The following DDI2 variants were observed in gnomAD, a reference collection of about 807,000 sequenced individuals.
DDI2 encodes DDI proteasomal shuttling factor 2, also known as protein DDI1 homolog 2.
Under a neutral mutation model 48.1 loss-of-function variants are expected in DDI2, and 5 were observed. That is an observed-to-expected ratio of 0.10 (90% CI 0.05 to 0.22). The LOEUF (loss-of-function observed/expected upper bound fraction) is 0.22. Among genes scored for constraint, DDI2 ranks in the 10% least tolerant of loss-of-function variants. The pLI is 1.00. For missense variants in DDI2, 285 were observed against 506.2 expected (o/e 0.56, Z 4.19); for synonymous variants, 205 against 183.6 (o/e 1.12, Z -0.94).
At position 15,661,488 on chromosome 1, in the gene DDI2, A is replaced by C. The variant is rs1640378252; in HGVS notation, c.*1698A>C. The C allele has an allele frequency of 1.2e-6, 2 of 1,613,960 alleles. No homozygotes were observed. Among genetic ancestry groups the C allele is most frequent in the Non-Finnish European group, 1.7e-6 (2 of 1,179,886 alleles). ...TAACAGACAGGCCTGAAACCAGAGAAAATGTCTGTCCTGATGCTTCGAGGC... is the reference window on the plus strand; with the variant it reads ...TAACAGACAGGCCTGAAACCAGAGACAATGTCTGTCCTGATGCTTCGAGGC... On this transcript the variant is annotated 3_prime_UTR_variant, in exon 10 of 10. Transcript: ENST00000480945.
intron 3 of DDI2, among the ~76,000 whole-genome samples, chr1:15,631,876 G>A (rs1639849604): frequency 6.6e-6 from 1 of 151,450 alleles, no homozygotes; most frequent in African/African-American, 2.4e-5. Context: ...CGCGATCTCT[G>A]CTCACTGCAA....
chr1:15,660,205 TCTG>T lies in DDI2; in HGVS notation c.*419_*421del. 6.2e-7 allele frequency: 1 copy of T among 1,614,164 alleles called. No individual in the cohort carries two copies. The highest frequency in any genetic ancestry group is 8.5e-7 in the Non-Finnish European group (1 of 1,180,032). On this transcript the variant is annotated 3_prime_UTR_variant, in exon 10 of 10. Coordinates refer to ENST00000480945, the MANE Select transcript of DDI2 (RefSeq NM_032341.5). ...AACTGTTGCAGGTAATCTGGAGAAATCTGCTGAAAGAAGCACCCAGGGCCTCAA... is the reference window on the plus strand; with the variant it reads ...AACTGTTGCAGGTAATCTGGAGAAATCTGAAAGAAGCACCCAGGGCCTCAA...
At position 15,658,402 on chromosome 1, in the gene DDI2, G is replaced by A. The variant is rs1351977062; in HGVS notation, c.*47-1435G>A. On this transcript the variant is annotated intron_variant, in intron 9 of 9. Coordinates refer to ENST00000480945, the MANE Select transcript of DDI2 (RefSeq NM_032341.5). The stretch of plus-strand genomic sequence containing the variant: ...TGACCTCAGGTGATCCACCTGCCTC[G>A]GCCTCCCAAAGTGCTGGGATTACAG... Among the ~76,000 whole-genome samples, 10 of 151,572 alleles carry A rather than the reference G, an allele frequency of 6.6e-5. No individual in the cohort carries two copies. The East Asian group carries it at 1.2e-3, about 18-fold the overall frequency.
Position 15,617,612 on chromosome 1 carries a change from C to A in DDI2, c.-59C>A. 7.8e-7 allele frequency: 1 copy of A among 1,276,006 alleles called. No homozygotes were observed. The highest frequency in any genetic ancestry group is 1.0e-6 in the Non-Finnish European group (1 of 1,004,352). 79.0% of individuals were successfully genotyped at this position (1,276,006 alleles called of 1,614,324 possible). A position where few individuals can be genotyped will look rare whatever the true frequency, so the allele number is the denominator to read the frequency against. Reference sequence around the variant, plus strand: ...CAGCCAGGCCACGCCGCCGCCTCTTCCCCTGCGCCCCGCGCCCAGGCCGGG... The same window carrying A: ...CAGCCAGGCCACGCCGCCGCCTCTTACCCTGCGCCCCGCGCCCAGGCCGGG... On this transcript the variant is annotated 5_prime_UTR_variant, in exon 1 of 10. Transcript: ENST00000480945.
intron 3 of DDI2, 49 bp downstream of exon 3, chr1:15,630,610 G>T: frequency 7.7e-7 from 1 of 1,296,416 alleles, no homozygotes; most frequent in South Asian, 1.2e-5. Flanking sequence ...AGGTGAAGAA[G>T]CTGTGTCATA....
intron 1 of DDI2, 142 bp from the exon 2 acceptor site, chr1:15,626,527 G>A: frequency 8.5e-7 from 1 of 1,177,086 alleles, no homozygotes; most frequent in Non-Finnish European, 1.2e-6. Context: ...AAGGACTGTG[G>A]GTTTTGTTCT....
Position 15,667,889 on chromosome 1 carries a change from T to G in DDI2, c.*8099T>G, listed in dbSNP as rs182012254. 2 of 152,230 alleles carry G rather than the reference T, an allele frequency of 1.3e-5. No individual in the cohort carries two copies. Among genetic ancestry groups the G allele is most frequent in the African/African-American group, 4.8e-5 (2 of 41,534 alleles). The allele number at this position is 152,230 out of a possible 1,614,324, so 9.4% of individuals were successfully genotyped here. On this transcript the variant is annotated 3_prime_UTR_variant, in exon 10 of 10. Transcript: ENST00000480945. ...AAAAGATACAGCTGAGCTGACAAGT[T>G]TTAGGGCACTATCTTCTGGAATGAA...
intron 1 of DDI2, among the ~76,000 whole-genome samples, chr1:15,619,523 G>A (rs1163798692): frequency 7.4e-5 from 11 of 148,522 alleles, no homozygotes; most frequent in Non-Finnish European, 1.6e-4. Context: ...GTGCAGTGGC[G>A]CGATCTCGGC....
chr1:15,638,528 T>G, intron 5 of DDI2, 94 bp downstream of exon 5: 1 of 1,084,054 alleles, frequency 9.2e-7, no homozygotes, highest in South Asian at 1.7e-5. Flanking sequence ...CAGATGGCTG[T>G]ACTTTTTTTT....
Position 15,630,330 on chromosome 1 carries a change from C to A in DDI2, c.274C>A (p.Pro92Thr), listed in dbSNP as rs1163691797. 2.5e-6 allele frequency: 4 copies of A among 1,614,046 alleles called. No homozygotes were observed. The highest frequency in any genetic ancestry group is 3.4e-6 in the Non-Finnish European group (4 of 1,180,026). The change falls in exon 3 of 10, where the codon CCC becomes ACC. Residue 92 changes from proline to threonine, a missense_variant. Transcript: ENST00000480945. The part of the protein sequence containing the change: ...PRPPVQFPNL[P>T]RIDFSSIAVP... Reference sequence around the variant, plus strand: ...GAATTGATTTTCCCCAACAGACTTACCCCGAATAGATTTCAGTAGTATAGC... The same window carrying A: ...GAATTGATTTTCCCCAACAGACTTAACCCGAATAGATTTCAGTAGTATAGC...
In DDI2 at chr1:15,643,973, G is replaced by A. The variant is rs1021182103; in HGVS notation, c.889+323G>A. Among the ~76,000 whole-genome samples the A allele has an allele frequency of 3.3e-5, 5 of 151,846 alleles. No homozygotes were observed. The East Asian group carries it at 5.8e-4, about 18-fold the overall frequency. ...TATTTCTAAATAACATGTTTATTTT[G>A]CTGTTTACTCATATGACTGTGTTTG... On this transcript the variant is annotated intron_variant, in intron 6 of 9. Transcript: ENST00000480945.
intron 4 of DDI2, among the ~76,000 whole-genome samples, chr1:15,634,626 C>T (rs1008660601): frequency 6.9e-6 from 1 of 145,662 alleles, no homozygotes; most frequent in East Asian, 2.0e-4. Flanking sequence ...TGGACCTCCC[C>T]GAGACTGAGG....
intron 2 of DDI2, among the ~76,000 whole-genome samples, chr1:15,627,298 T>C (rs1346824551): frequency 6.6e-6 from 1 of 152,208 alleles, no homozygotes; most frequent in East Asian, 1.9e-4. Context: ...TTTATAATTA[T>C]GAAGCTCAGA....
At chr1:15,652,058 CTTTTTT>C (rs772990709) in intron 8 of DDI2, among the ~76,000 whole-genome samples, 163 bp downstream of exon 8, 13,258 of 76,450 alleles carry the variant, frequency 0.17, 618 homozygotes, top group Middle Eastern at 0.22. Flanking sequence ...TTTGATCTTC[CTTTTTT>C]TTTTTTTTTT....
chr1:15,658,565 C>G (rs1415065288), intron 9 of DDI2, among the ~76,000 whole-genome samples: 1 of 151,178 alleles, frequency 6.6e-6, no homozygotes, highest in African/African-American at 2.4e-5. Flanking sequence ...GAGTTTGAGA[C>G]CACCCTGACC....
Position 15,643,619 on chromosome 1 carries a change from C to A in DDI2, c.858C>A (p.Gly286=). ...GGGCAGGGATTGCCAAAGGAGTGGG[C>A]ACCCAGAAGATTATTGGAAGGGTAC... ...RRWAGIAKGV[G]TQKIIGRVHL... The change falls in exon 6 of 10, where the codon GGC becomes GGA. Residue 286 remains glycine, a synonymous_variant. Transcript: ENST00000480945. The A allele has an allele frequency of 6.2e-7, 1 of 1,614,108 alleles. No homozygotes were observed. Among genetic ancestry groups the A allele is most frequent in the Non-Finnish European group, 8.5e-7 (1 of 1,180,006 alleles).
At position 15,661,737 on chromosome 1, in the gene DDI2, G is replaced by A. The variant is rs1640385488; in HGVS notation, c.*1947G>A. The A allele has an allele frequency of 6.3e-7, 1 of 1,589,434 alleles. No individual in the cohort carries two copies. The highest frequency in any genetic ancestry group is 1.2e-5 in the South Asian group (1 of 86,868). On this transcript the variant is annotated 3_prime_UTR_variant, in exon 10 of 10. Coordinates refer to ENST00000480945, the MANE Select transcript of DDI2 (RefSeq NM_032341.5). ...TTCCTACATGACTGTGGGAAAGTGG[G>A]CTAGACCGTTCTCCATTCCCTTTAA...
At position 15,661,276 on chromosome 1, in the gene DDI2, A is replaced by G. The variant is rs1193546602; in HGVS notation, c.*1486A>G. ...CAAATCTAGGGAATCCATAAATAAG[A>G]ACCGTTCTGTCACTGTAACCTCAGC... is the stretch of plus-strand genomic sequence containing the variant. On this transcript the variant is annotated 3_prime_UTR_variant, in exon 10 of 10. Transcript: ENST00000480945. 6.2e-7 allele frequency: 1 copy of G among 1,614,144 alleles called. No homozygotes were observed. Among genetic ancestry groups the G allele is most frequent in the Non-Finnish European group, 8.5e-7 (1 of 1,180,022 alleles).
At chr1:15,637,471 A>G (rs983384167) in intron 4 of DDI2, among the ~76,000 whole-genome samples, 8 of 152,132 alleles carry the variant, frequency 5.3e-5, no homozygotes, top group Non-Finnish European at 7.4e-5. Context: ...GGGTTCAAGC[A>G]GTTCTACTGC....
Sources: gnomAD v4.1 joint callset for allele counts (sites outside exome capture counted in the v4.1 genomes callset) on GRCh38, gnomAD v4.1.1 for gene constraint, MANE v1.5 for transcripts, NCBI Gene and HGNC (gene_info 2026-07-23, HGNC 2026-07-21) for gene names.